Variants in SETD2 observed in about 807,000 individuals in gnomAD.
SETD2 encodes the protein SET domain containing 2, histone lysine methyltransferase, also known as histone-lysine N-methyltransferase SETD2.
Under a neutral mutation model 242.1 loss-of-function variants are expected in SETD2, and 31 were observed. The ratio of observed to expected loss-of-function variants is 0.13; its 90% CI spans 0.10 to 0.17. SETD2 has a LOEUF of 0.17. SETD2 is among the 10% of genes least tolerant of loss of function. The probability of loss-of-function intolerance (pLI) is 1.00; values close to 1 mark genes in which losing one functional copy is unlikely to be tolerated. For synonymous variants in SETD2, 1,006 were observed against 1,066.5 expected, an observed-to-expected ratio of 0.94 and a Z score of 1.11; for missense variants, 2,481 against 3,046.3, an observed-to-expected ratio of 0.81 and a Z score of 4.37.
At chr3:47,069,770 G>C (rs1488017660) in intron 12 of SETD2, among the ~76,000 whole-genome samples, 1 of 152,128 alleles carries the variant, frequency 6.6e-6, no homozygotes, top group Non-Finnish European at 1.5e-5. Context: ...TACTGAATCA[G>C]GAATAAAGAC....
At chr3:47,132,083 C>T (rs951987657) in intron 1 of SETD2, among the ~76,000 whole-genome samples, 3 of 151,624 alleles carry the variant, frequency 2.0e-5, no homozygotes, top group Non-Finnish European at 2.9e-5. Context: ...GCCTAGTTTG[C>T]ATATTCTTAT....
chr3:47,121,317 C>T lies in SETD2; in HGVS notation c.3319G>A (p.Glu1107Lys), dbSNP rs778838574. ...YSDHWEDERL[E>K]SRRHLYEEKF... ...TCCTCATACAAATGTCTCCTTGACT[C>T]CAATCTCTCATCTTCCCAATGGTCA... The change falls in exon 3 of 21, where the codon GAG becomes AAG. Residue 1107 changes from glutamate (E) to lysine (K), a missense_variant. This residue lies in a region of SETD2 where 1,300 missense variants were observed against 1,259.2 expected (regional missense o/e 1.03). Coordinates refer to ENST00000409792, the MANE Select transcript of SETD2 (RefSeq NM_014159.7). 6.8e-6 allele frequency: 11 copies of T among 1,611,966 alleles called. No individual in the cohort carries two copies. The highest frequency in any genetic ancestry group is 1.6e-4 in the Middle Eastern group (1 of 6,062).
intron 13 of SETD2, chr3:47,064,589 A>G (rs1008342833): frequency 1.3e-5 from 5 of 372,432 alleles, no homozygotes; most frequent in Admixed American, 1.2e-4. Context: ...ACCTTAGAAT[A>G]TGTGAGGCAG....
intron 4 of SETD2, among the ~76,000 whole-genome samples, chr3:47,114,730 T>C (rs1025213937): frequency 6.6e-6 from 1 of 151,800 alleles, no homozygotes; most frequent in African/African-American, 2.4e-5. Context: ...AATACAAAAA[T>C]TAGCCGGGCA....
chr3:47,082,553 A>G (rs2041362139), intron 12 of SETD2, among the ~76,000 whole-genome samples: 2 of 152,164 alleles, frequency 1.3e-5, no homozygotes, highest in Non-Finnish European at 2.9e-5. Flanking sequence ...TCACATACTG[A>G]CTTCATAAGT....
intron 13 of SETD2, 142 bp downstream of exon 13, chr3:47,066,928 T>C: frequency 3.2e-6 from 2 of 634,372 alleles, no homozygotes; most frequent in East Asian, 2.7e-5. Context: ...GTTTCCAAAC[T>C]TTTACACCAA....
In SETD2 at chr3:47,017,956, T is replaced by A. The variant is rs2038053626; in HGVS notation, c.7432-217A>T. 6.6e-6 allele frequency among the ~76,000 whole-genome samples: 1 copy of A among 152,124 alleles called. No individual in the cohort carries two copies. Among genetic ancestry groups the A allele is most frequent in the Admixed American group, 6.5e-5 (1 of 15,270 alleles). On this transcript the variant is annotated intron_variant, in intron 19 of 20. Transcript: ENST00000409792. This position sits in a 1 kb window ranked among gnomAD's most constrained non-coding sequence, Gnocchi z 4.8. The stretch of plus-strand genomic sequence containing the variant: ...CTGAGAGGGAAAGAGCTCCCCTGGA[T>A]GGACTAAGCAAGCCTTAAAGGAGGC...
chr3:47,076,768 G>A (rs2041096562), intron 12 of SETD2, among the ~76,000 whole-genome samples: 1 of 152,250 alleles, frequency 6.6e-6, no homozygotes, highest in Non-Finnish European at 1.5e-5. Flanking sequence ...AGGACATGAA[G>A]AGGTGAATAT....
intron 6 of SETD2, among the ~76,000 whole-genome samples, chr3:47,104,223 T>TA (rs767312095): frequency 3.4e-3 from 457 of 136,396 alleles, no homozygotes; most frequent in East Asian, 9.2e-3. Context: ...CTCTTTTCAC[T>TA]AAAAAAAAAA....
At position 47,049,950 on chromosome 3, in the gene SETD2, A is replaced by G. The variant is rs555588105; in HGVS notation, c.6964-3329T>C. ...ATATAAACTTATTCTATAAGTTTAT[A>G]TATTTGTACATATATTTATATGTTT... On this transcript the variant is annotated intron_variant, in intron 15 of 20. Transcript: ENST00000409792. 1.9e-4 allele frequency among the ~76,000 whole-genome samples: 28 copies of G among 146,490 alleles called. No individual in the cohort carries two copies. In the South Asian group the frequency reaches 5.9e-3, roughly 31 times the overall value.
chr3:47,072,559 A>T (rs2040870524), intron 12 of SETD2, among the ~76,000 whole-genome samples: 1 of 151,016 alleles, frequency 6.6e-6, no homozygotes, highest in African/African-American at 2.4e-5. Context: ...AGTGGCTCAC[A>T]CCTGTGATCC....
chr3:47,050,491 T>C (rs1029303576), intron 15 of SETD2, among the ~76,000 whole-genome samples: 1 of 152,134 alleles, frequency 6.6e-6, no homozygotes, highest in Non-Finnish European at 1.5e-5. Flanking sequence ...ACATTTCTGA[T>C]TTCCCTAATC....
intron 1 of SETD2, among the ~76,000 whole-genome samples, chr3:47,132,422 A>C (rs941056045): frequency 6.6e-6 from 1 of 152,096 alleles, no homozygotes; most frequent in Non-Finnish European, 1.5e-5. Context: ...AGGAGGTGGA[A>C]GTTACAGTGA....
chr3:47,118,637 C>T lies in SETD2; in HGVS notation c.4454+1545G>A, dbSNP rs79501676. The stretch of plus-strand genomic sequence containing the variant: ...CTGAGATCACGCCACTGCACTCCAC[C>T]CTGGGAGACAAAGTGAGACTCTGTC... On this transcript the variant is annotated intron_variant, in intron 3 of 20. Coordinates refer to ENST00000409792, the MANE Select transcript of SETD2 (RefSeq NM_014159.7). 1.9e-3 allele frequency among the ~76,000 whole-genome samples: 280 copies of T among 150,864 alleles called. 2 individuals carry two copies. Among genetic ancestry groups the T allele is most frequent in the African/African-American group, 6.5e-3 (268 of 41,056 alleles).
rs1433904494 is a variant in SETD2, at chr3:47,057,290, G to A, written c.6494C>T (p.Ala2165Val). Residue 2165 changes from alanine to valine, a missense_variant, in exon 15 of 21, where the codon GCT becomes GTT. Physicochemically the swap from Ala to Val is moderately conservative, Grantham distance 64. This residue lies in a region of SETD2 where 45 missense variants were observed against 62.8 expected (regional missense o/e 0.72). Transcript: ENST00000409792. Reference sequence around the variant, plus strand: ...CATGGGATAACCTGGTGGGTAACCAGCAAAGGGATGATGCGGGGCATTATA... The same window carrying A: ...CATGGGATAACCTGGTGGGTAACCAACAAAGGGATGATGCGGGGCATTATA... ...LGYNAPHHPF[A>V]GYPPGYPMQA... 2 of 1,614,090 alleles carry A rather than the reference G, an allele frequency of 1.2e-6. No homozygotes were observed. The highest frequency in any genetic ancestry group is 1.7e-6 in the Non-Finnish European group (2 of 1,180,046).
chr3:47,093,188 T>C (rs772398710), intron 9 of SETD2, among the ~76,000 whole-genome samples: 1 of 152,170 alleles, frequency 6.6e-6, no homozygotes, highest in African/African-American at 2.4e-5. Context: ...TATTTTGTCA[T>C]GCTTCTTTCA....
chr3:47,066,155 A>G (rs895128752), intron 13 of SETD2, among the ~76,000 whole-genome samples: 1 of 152,178 alleles, frequency 6.6e-6, no homozygotes, highest in African/African-American at 2.4e-5. Flanking sequence ...TGAAGAGTAA[A>G]TATATTTTCT....
chr3:47,163,712 T>G, intron 1 of SETD2, 142 bp downstream of exon 1: 13 of 498,656 alleles, frequency 2.6e-5, no homozygotes, highest in Admixed American at 5.8e-5. Context: ...GGCGCGGGCC[T>G]GCTCCCGACA....
intron 5 of SETD2, among the ~76,000 whole-genome samples, chr3:47,111,053 G>A (rs979196238): frequency 7.5e-6 from 1 of 133,508 alleles, no homozygotes; most frequent in Non-Finnish European, 1.5e-5. Context: ...CTGTAAGAGA[G>A]GCTTGTGTCC....
Sources: allele counts gnomAD v4.1 joint callset (sites outside exome capture counted in the v4.1 genomes callset), GRCh38; gene constraint gnomAD v4.1.1; regional missense constraint gnomAD v4.1.1; non-coding constraint Gnocchi (gnomAD v3.1); transcripts MANE v1.5; gene names NCBI Gene and HGNC (gene_info 2026-07-23, HGNC 2026-07-21).